The following TBC1D7 variants were observed in gnomAD, a reference collection of about 807,000 sequenced individuals.
The protein encoded by TBC1D7 is TBC1 domain family member 7.
TBC1D7 carries 33 observed loss-of-function variants against 35.3 expected under a neutral mutation model. The ratio of observed to expected loss-of-function variants is 0.93; its 90% CI spans 0.71 to 1.25. The LOEUF is 1.25. TBC1D7 is among the 50% of genes most tolerant of loss of function. TBC1D7 has a pLI of 0.00. For missense variants in TBC1D7, 362 were observed against 365.3 expected (o/e 0.99, Z 0.07); for synonymous variants, 135 against 129.5 (o/e 1.04, Z -0.29).
intron 4 of TBC1D7, among the ~76,000 whole-genome samples, chr6:13,317,056 G>C (rs1183084867): frequency 6.6e-6 from 1 of 152,186 alleles, no homozygotes; most frequent in Non-Finnish European, 1.5e-5. Context: ...GGATATCTTT[G>C]AAAAGGGTGT....
chr6:13,307,951 TC>T (rs1782925395), intron 5 of TBC1D7, among the ~76,000 whole-genome samples: 1 of 152,186 alleles, frequency 6.6e-6, no homozygotes, highest in Non-Finnish European at 1.5e-5. Context: ...CTGAGGAGTT[TC>T]CCAGGACACA....
intron 5 of TBC1D7, among the ~76,000 whole-genome samples, chr6:13,312,793 A>AAC: frequency 6.6e-6 from 1 of 152,016 alleles, no homozygotes; most frequent in African/African-American, 2.4e-5. Context: ...AAAAAGCAAA[A>AAC]AAAAAAAAAA....
chr6:13,305,542 G>T, intron 7 of TBC1D7: 1 of 293,642 alleles, frequency 3.4e-6, no homozygotes, highest in Non-Finnish European at 6.5e-6. Context: ...CACAGGCTTC[G>T]CACTGCTAGC....
chr6:13,317,853 G>C (rs1783744653), intron 4 of TBC1D7, among the ~76,000 whole-genome samples: 2 of 152,240 alleles, frequency 1.3e-5, no homozygotes, highest in Admixed American at 6.5e-5. Context: ...ATGAGGCAGA[G>C]TGGGCGCTAA....
At chr6:13,322,875 C>T (rs993867162) in intron 3 of TBC1D7, among the ~76,000 whole-genome samples, 1 of 152,180 alleles carries the variant, frequency 6.6e-6, no homozygotes, top group Non-Finnish European at 1.5e-5. Flanking sequence ...AACCTGTTTT[C>T]TAAGAGCTAG....
At chr6:13,315,198 T>C (rs1348129022) in intron 5 of TBC1D7, among the ~76,000 whole-genome samples, 3 of 152,212 alleles carry the variant, frequency 2.0e-5, no homozygotes, top group East Asian at 3.8e-4. Flanking sequence ...CCCTTAAACA[T>C]GGATTTTCTT....
chr6:13,312,719 A>G (rs1254738255), intron 5 of TBC1D7, among the ~76,000 whole-genome samples: 17 of 151,758 alleles, frequency 1.1e-4, no homozygotes, highest in Non-Finnish European at 1.5e-5. Flanking sequence ...GTTAGGAGAA[A>G]ACAAAAAAAT....
chr6:13,322,919 A>G (rs906165175), intron 3 of TBC1D7, among the ~76,000 whole-genome samples: 2 of 152,208 alleles, frequency 1.3e-5, no homozygotes, highest in Admixed American at 1.3e-4. Context: ...TTTAACTAAA[A>G]TAGTATCAGG....
rs2127545756 is a variant in TBC1D7, at chr6:13,326,883, G to A, written c.16C>T (p.Gln6Ter). MTEDS[Q>*]RNFRSVYYEK... ...TAATATACTGAACGAAAGTTTCTCTGAGAGTCCTCAGTCATATTTCATTCT... is the reference window on the plus strand; with the variant it reads ...TAATATACTGAACGAAAGTTTCTCTAAGAGTCCTCAGTCATATTTCATTCT... The change falls in exon 2 of 8, where the codon CAG becomes TAG. Residue 6 changes from glutamine to a stop codon, truncating the protein, a stop_gained. Coordinates refer to ENST00000379300, the MANE Select transcript of TBC1D7 (RefSeq NM_016495.6). LOFTEE classifies it high-confidence loss of function. 6.2e-7 allele frequency: 1 copy of A among 1,607,124 alleles called. No individual in the cohort carries two copies. The highest frequency in any genetic ancestry group is 8.5e-7 in the Non-Finnish European group (1 of 1,175,966).
At chr6:13,316,849 T>A in intron 4 of TBC1D7, 141 bp from the exon 5 acceptor site, 2 of 1,026,308 alleles carry the variant, frequency 1.9e-6, no homozygotes, top group Non-Finnish European at 2.8e-6. Context: ...AAGCACAGAG[T>A]CCCTCCCTGA....
chr6:13,307,794 T>C, intron 5 of TBC1D7, 49 bp from the exon 6 acceptor site: 1 of 1,568,166 alleles, frequency 6.4e-7, no homozygotes, highest in Admixed American at 1.8e-5. Flanking sequence ...TGTCATAACA[T>C]CATCTGATAT....
At chr6:13,324,165 T>C (rs1784250054) in intron 3 of TBC1D7, among the ~76,000 whole-genome samples, 1 of 152,142 alleles carries the variant, frequency 6.6e-6, no homozygotes, top group East Asian at 1.9e-4. Flanking sequence ...TCTCGCTCTG[T>C]CGCCCAGGCT....
At position 13,307,635 on chromosome 6, in the gene TBC1D7, G is replaced by A; in HGVS notation, c.630C>T (p.Cys210=). ...KLPYDLWFKR[C]FAGCLPESSL... The stretch of plus-strand genomic sequence containing the variant: ...TGGATTCAGGCAAACATCCCGCAAA[G>A]CACCTCTTGAACCAGAGATCATAAG... Residue 210 remains cysteine (C), a synonymous_variant, in exon 6 of 8, where the codon TGC becomes TGT. Coordinates refer to ENST00000379300, the MANE Select transcript of TBC1D7 (RefSeq NM_016495.6). The A allele has an allele frequency of 6.2e-7, 1 of 1,614,132 alleles. No individual in the cohort carries two copies. Among genetic ancestry groups the A allele is most frequent in the South Asian group, 1.1e-5 (1 of 91,082 alleles).
intron 6 of TBC1D7, 24 bp downstream of exon 6, chr6:13,307,576 T>G: frequency 6.2e-7 from 1 of 1,613,048 alleles, no homozygotes; most frequent in South Asian, 1.1e-5. Context: ...AAGCCTTCAA[T>G]ATGTCTTCGA....
At chr6:13,328,123 C>G (rs1187723411) in intron 1 of TBC1D7, 173 bp downstream of exon 1, 1 of 152,160 alleles carries the variant, frequency 6.6e-6, no homozygotes, top group Non-Finnish European at 1.5e-5. Flanking sequence ...TTTGGTCGGT[C>G]CCTGTTGTCT....
rs769476665 is a variant in TBC1D7 at position 13,320,935 on chromosome 6, C to A, written c.354G>T (p.Lys118Asn). 1 of 1,614,184 alleles carries A rather than the reference C, an allele frequency of 6.2e-7. No individual in the cohort carries two copies. The highest frequency in any genetic ancestry group is 1.1e-5 in the South Asian group (1 of 91,082). ...YLRMYQLESG[K>N]LPRSPSFPLE... ...GTGGAAAAGAGGGACTTCGAGGTAA[C>A]TTCCCAGACTCCAGCTGATACATGC... Residue 118 changes from lysine to asparagine, a missense_variant, in exon 4 of 8, where the codon AAG (lysine) becomes AAT (asparagine). Coordinates refer to ENST00000379300, the MANE Select transcript of TBC1D7 (RefSeq NM_016495.6).
chr6:13,304,977 A>G lies in TBC1D7; in HGVS notation c.*124T>C. 7 of 762,496 alleles carry G rather than the reference A, an allele frequency of 9.2e-6. No individual in the cohort carries two copies. Among genetic ancestry groups the G allele is most frequent in the Non-Finnish European group, 1.4e-5 (7 of 495,454 alleles). The allele number at this position is 762,496 out of a possible 1,614,324, so 47.2% of individuals were successfully genotyped here. ...TTCAATTAAATAATTTTATTGGGGG[A>G]AAAAAACCACTTTGAGCACCAAAGC... is the stretch of plus-strand genomic sequence containing the variant. On this transcript the variant is annotated 3_prime_UTR_variant, in exon 8 of 8. Transcript: ENST00000379300.
chr6:13,316,125 T>C (rs1783591272), intron 5 of TBC1D7, among the ~76,000 whole-genome samples: 1 of 152,244 alleles, frequency 6.6e-6, no homozygotes, highest in South Asian at 2.1e-4. Flanking sequence ...CATACTGTGG[T>C]TCTGCAGCGC....
At chr6:13,308,992 C>CA (rs1783003625) in intron 5 of TBC1D7, among the ~76,000 whole-genome samples, 1 of 152,060 alleles carries the variant, frequency 6.6e-6, no homozygotes, top group South Asian at 2.1e-4. Flanking sequence ...CTCTGAAGAA[C>CA]AGACAGGAGT....
Sources: allele counts gnomAD v4.1 joint callset (sites outside exome capture counted in the v4.1 genomes callset), GRCh38; gene constraint gnomAD v4.1.1; transcripts MANE v1.5; gene names NCBI Gene and HGNC (gene_info 2026-07-23, HGNC 2026-07-21).